Variants in TRIM2 observed in about 807,000 individuals in gnomAD.
The protein encoded by TRIM2 is tripartite motif containing 2.
A neutral mutation model predicts 75.2 loss-of-function variants in TRIM2; 20 were observed. That is an observed-to-expected ratio of 0.27 (90% confidence interval 0.19 to 0.39). TRIM2 has a LOEUF of 0.39. Ranked by LOEUF, TRIM2 falls within the 10% of genes least tolerant of loss-of-function variation. The pLI is 1.00. For missense variants in TRIM2, 660 were observed against 990.8 expected (o/e 0.67, Z 4.48); for synonymous variants, 373 against 388.3 (o/e 0.96, Z 0.46).
chr4:153,286,969 CT>C (rs1297553193), intron 3 of TRIM2, among the ~76,000 whole-genome samples: 1 of 149,732 alleles, frequency 6.7e-6, no homozygotes, highest in Non-Finnish European at 1.5e-5. Flanking sequence ...TCTTTTTTTT[CT>C]TTTCCTTTTT....
chr4:153,275,743 T>A (rs983944019), intron 2 of TRIM2, 150 bp from the exon 3 acceptor site: 12 of 709,534 alleles, frequency 1.7e-5, no homozygotes, highest in Non-Finnish European at 2.7e-5. Flanking sequence ...GCTTACCTGT[T>A]GGTTTCTGAA....
intron 1 of TRIM2, among the ~76,000 whole-genome samples, chr4:153,240,799 C>T (rs9993956): frequency 2.6e-5 from 4 of 152,216 alleles, no homozygotes; most frequent in Non-Finnish European, 1.5e-5. Context: ...GTTTCCCTGG[C>T]CGGGCGTGGT....
rs139635495 is a variant in TRIM2, at chr4:153,233,491, A to G, written c.30+28931A>G. Among the ~76,000 whole-genome samples the G allele has an allele frequency of 1.2e-4, 18 of 152,298 alleles. No homozygotes were observed. The East Asian group carries it at 3.1e-3, about 26-fold the overall frequency. On this transcript the variant is annotated intron_variant, in intron 1 of 11. Transcript: ENST00000338700. ...GACAAATGAATATAGTTCTGTAACC[A>G]TGACTACTGTTGAGATAGGACCAAT...
At chr4:153,265,370 A>G (rs1754708385) in intron 1 of TRIM2, among the ~76,000 whole-genome samples, 1 of 148,886 alleles carries the variant, frequency 6.7e-6, no homozygotes, top group East Asian at 2.0e-4. Flanking sequence ...TTTAAGATGG[A>G]GTCTCACTCT....
chr4:153,201,262 C>A (rs542248324), upstream of TRIM2, among the ~76,000 whole-genome samples: 2 of 152,120 alleles, frequency 1.3e-5, no homozygotes, highest in Non-Finnish European at 2.9e-5. Flanking sequence ...CCGTGCCCAG[C>A]CTCATTGTGT....
chr4:153,187,372 CTCTGGAT>C (rs1025640974), intron 1 of TRIM2, among the ~76,000 whole-genome samples: 59 of 152,184 alleles, frequency 3.9e-4, no homozygotes, highest in African/African-American at 1.4e-3. Flanking sequence ...TGGAGGATTA[CTCTGGAT>C]CTTTGGAAAG....
At chr4:153,204,430 C>T (rs2081977362), upstream of TRIM2, 2 of 1,396,550 alleles carry the variant, frequency 1.4e-6, no homozygotes, top group Non-Finnish European at 2.0e-6. Context: ...TAGTAAGGGC[C>T]ACCCTTTAAC....
chr4:153,280,337 A>T (rs1550427), intron 3 of TRIM2, among the ~76,000 whole-genome samples: 93,481 of 149,208 alleles, frequency 0.63, 30,604 homozygotes, highest in African/African-American at 0.82. Flanking sequence ...TAGCTTAATT[A>T]ATGACATTGG....
rs977401010 is a variant in TRIM2, at chr4:153,204,692, G to A, written c.30+132G>A. ...ATTTTTTCCCTGCAGAAGAGGGAAG[G>A]AAAAGACTGGGATTTGCTGACAAAG... On this transcript the variant is annotated intron_variant, in intron 1 of 11. Transcript: ENST00000338700. 5 of 1,188,572 alleles carry A rather than the reference G, an allele frequency of 4.2e-6. No homozygotes were observed. The South Asian group carries it at 6.8e-5, about 16-fold the overall frequency. The allele number at this position is 1,188,572 out of a possible 1,614,324, so 73.6% of individuals were successfully genotyped here.
chr4:153,190,892 C>A (rs1265666074), intron 1 of TRIM2, among the ~76,000 whole-genome samples: 2 of 152,088 alleles, frequency 1.3e-5, no homozygotes, highest in African/African-American at 4.8e-5. Context: ...TGGCCGCCAT[C>A]ATGCCCAGCC....
upstream of TRIM2, among the ~76,000 whole-genome samples, chr4:153,203,030 G>A (rs1734576698): frequency 6.6e-6 from 1 of 150,886 alleles, no homozygotes; most frequent in East Asian, 1.9e-4. Flanking sequence ...ACTTGAACCT[G>A]GGAGGTGGAG....
rs781042864 is a variant in TRIM2 at position 153,295,855 on chromosome 4, G to A, written c.1329G>A (p.Pro443=). 7 of 1,613,934 alleles carry A rather than the reference G, an allele frequency of 4.3e-6. No individual in the cohort carries two copies. Among genetic ancestry groups the A allele is most frequent in the Admixed American group, 3.3e-5 (2 of 59,994 alleles). ...ATGACCAGCACATCCGAGGCAGCCC[G>A]TTTAAGCTGAAAGTGATCCGATCCG... The part of the protein sequence containing the change: ...RLYDQHIRGS[P]FKLKVIRSAD... Residue 443 remains proline, a synonymous_variant, in exon 6 of 12, where the codon CCG becomes CCA. Transcript: ENST00000338700. This position sits in a 1 kb window ranked among gnomAD's most constrained non-coding sequence, Gnocchi z 7.2.
At chr4:153,275,790 T>G (rs1757885205) in intron 2 of TRIM2, 103 bp from the exon 3 acceptor site, 2 of 1,081,336 alleles carry the variant, frequency 1.8e-6, no homozygotes, top group Non-Finnish European at 2.7e-6. Context: ...GGGATGGGAG[T>G]TTCTGCCAAA....
rs1255205986 is a variant in TRIM2, at chr4:153,295,801, A to G, written c.1275A>G (p.Glu425=). 1.9e-6 allele frequency: 3 copies of G among 1,614,118 alleles called. No homozygotes were observed. Among genetic ancestry groups the G allele is most frequent in the Non-Finnish European group, 2.5e-6 (3 of 1,180,004 alleles). ...TYEFLYTVQK[E]GDFTLSLRLY... Reference sequence around the variant, plus strand: ...AGTTTTTGTACACTGTCCAGAAGGAAGGGGACTTTACCCTGTCTCTGAGAC... The same window carrying G: ...AGTTTTTGTACACTGTCCAGAAGGAGGGGGACTTTACCCTGTCTCTGAGAC... Residue 425 remains glutamate (E), a synonymous_variant, in exon 6 of 12, where the codon GAA becomes GAG. Coordinates refer to ENST00000338700, the MANE Select transcript of TRIM2 (RefSeq NM_015271.5). This position sits in a 1 kb window ranked among gnomAD's most constrained non-coding sequence, Gnocchi z 7.2.
upstream of TRIM2, among the ~76,000 whole-genome samples, chr4:153,199,580 CA>C (rs1734111640): frequency 4.1e-5 from 6 of 145,986 alleles, no homozygotes; most frequent in African/African-American, 1.4e-4. Flanking sequence ...AAATCTTAGT[CA>C]GTTATTATTA....
chr4:153,215,450 GT>G (rs758731770), intron 1 of TRIM2, among the ~76,000 whole-genome samples: 1 of 151,922 alleles, frequency 6.6e-6, no homozygotes, highest in Non-Finnish European at 1.5e-5. Context: ...ACATTTTCTG[GT>G]TTTTGTGGGC....
intron 1 of TRIM2, among the ~76,000 whole-genome samples, chr4:153,213,228 G>A (rs1412704473): frequency 6.6e-6 from 1 of 152,174 alleles, no homozygotes; most frequent in Non-Finnish European, 1.5e-5. Flanking sequence ...CTGGTCAGGG[G>A]CAGGCCAGCA....
chr4:153,327,680 G>T (rs1770550126), intron 10 of TRIM2, among the ~76,000 whole-genome samples: 1 of 152,070 alleles, frequency 6.6e-6, no homozygotes, highest in African/African-American at 2.4e-5. Flanking sequence ...CAAAATCAGT[G>T]ATCTGTATTG....
At chr4:153,205,799 A>G (rs963513127) in intron 1 of TRIM2, among the ~76,000 whole-genome samples, 4 of 152,188 alleles carry the variant, frequency 2.6e-5, no homozygotes, top group South Asian at 2.1e-4. Context: ...TGGAGGTATT[A>G]AGTCAGAATA....
Sources: allele counts gnomAD v4.1 joint callset (sites outside exome capture counted in the v4.1 genomes callset), GRCh38; gene constraint gnomAD v4.1.1; non-coding constraint Gnocchi (gnomAD v3.1); transcripts MANE v1.5; gene names NCBI Gene and HGNC (gene_info 2026-07-23, HGNC 2026-07-21).